Variants in PITPNC1 observed in about 807,000 individuals in gnomAD.
The protein encoded by PITPNC1 is cytoplasmic phosphatidylinositol transfer protein 1.
Under a neutral mutation model 44.7 loss-of-function variants are expected in PITPNC1, and 18 were observed. That is an observed-to-expected ratio of 0.40 (90% confidence interval 0.28 to 0.60). The LOEUF is 0.60. Ranked by LOEUF, PITPNC1 falls within the 20% of genes least tolerant of loss-of-function variation. The pLI is 0.39. For missense variants in PITPNC1, 290 were observed against 418.4 expected (o/e 0.69, Z 2.68); for synonymous variants, 141 against 149.6 (o/e 0.94, Z 0.42).
chr17:67,425,203 G>GCACGCGCA (rs1555649746), intron 1 of PITPNC1, among the ~76,000 whole-genome samples: 1 of 98,780 alleles, frequency 1.0e-5, no homozygotes, highest in Non-Finnish European at 2.0e-5. Context: ...GCACGCACAC[G>GCACGCGCA]CACACACACA....
intron 1 of PITPNC1, among the ~76,000 whole-genome samples, chr17:67,381,973 A>G (rs1437917481): frequency 6.6e-6 from 1 of 152,200 alleles, no homozygotes; most frequent in Non-Finnish European, 1.5e-5. Context: ...GCAGATGAAT[A>G]CATTGAGATT....
At chr17:67,432,490 T>A (rs1031447810) in intron 1 of PITPNC1, among the ~76,000 whole-genome samples, 78 of 151,964 alleles carry the variant, frequency 5.1e-4, no homozygotes, top group Non-Finnish European at 7.6e-4. Flanking sequence ...AGCGAGAGAG[T>A]GAGACTCCGT....
At chr17:67,403,121 G>A (rs2143825421) in intron 1 of PITPNC1, among the ~76,000 whole-genome samples, 1 of 149,524 alleles carries the variant, frequency 6.7e-6, no homozygotes. Flanking sequence ...GCCAGGTGAA[G>A]TGCTTGTGCC....
chr17:67,581,799 T>TG (rs2041237920), intron 5 of PITPNC1, among the ~76,000 whole-genome samples: 1 of 152,166 alleles, frequency 6.6e-6, no homozygotes, highest in Admixed American at 6.5e-5. Context: ...TTTGGGAGGC[T>TG]GAGGTGGGTG....
intron 5 of PITPNC1, chr17:67,611,651 T>C (rs9891206): frequency 0.085 from 12,897 of 152,300 alleles, 634 homozygotes; most frequent in Admixed American, 0.13. Context: ...TAATTTTGTA[T>C]TTTTAGTAGA....
intron 1 of PITPNC1, among the ~76,000 whole-genome samples, chr17:67,405,258 A>T (rs2038377845): frequency 6.6e-6 from 1 of 151,644 alleles, no homozygotes; most frequent in Non-Finnish European, 1.5e-5. Flanking sequence ...AAAAAAAAAA[A>T]TTCAGATTTA....
At chr17:67,472,690 GT>G (rs2039560294) in intron 1 of PITPNC1, among the ~76,000 whole-genome samples, 4 of 151,240 alleles carry the variant, frequency 2.6e-5, no homozygotes, top group African/African-American at 9.7e-5. Flanking sequence ...ATATCATAAT[GT>G]TTTAAGAAAG....
intron 8 of PITPNC1, among the ~76,000 whole-genome samples, chr17:67,691,459 A>T (rs989495348): frequency 1.3e-5 from 2 of 152,194 alleles, no homozygotes; most frequent in African/African-American, 2.4e-5. Flanking sequence ...TTTTAAATAG[A>T]ATCCTCACTA....
chr17:67,556,480 G>A (rs1252663387), intron 4 of PITPNC1, among the ~76,000 whole-genome samples: 1 of 152,168 alleles, frequency 6.6e-6, no homozygotes, highest in Non-Finnish European at 1.5e-5. Context: ...AAATTTATGG[G>A]AGAGAGATGG....
intron 4 of PITPNC1, among the ~76,000 whole-genome samples, chr17:67,561,898 A>G (rs965839134): frequency 1.4e-4 from 22 of 152,116 alleles, no homozygotes; most frequent in Non-Finnish European, 2.5e-4. Flanking sequence ...GCCTGGCCCT[A>G]TCTCTGTTAT....
At chr17:67,402,991 C>T (rs1428950756) in intron 1 of PITPNC1, among the ~76,000 whole-genome samples, 1 of 152,078 alleles carries the variant, frequency 6.6e-6, no homozygotes, top group Non-Finnish European at 1.5e-5. Flanking sequence ...ATTCTTGCTT[C>T]TGTTATATCT....
chr17:67,474,053 T>A (rs1360289914), intron 1 of PITPNC1, among the ~76,000 whole-genome samples: 1 of 152,210 alleles, frequency 6.6e-6, no homozygotes, highest in Non-Finnish European at 1.5e-5. Flanking sequence ...AATGGACTAC[T>A]TTAAGTTAAC....
At chr17:67,530,878 C>T (rs2916131) in intron 1 of PITPNC1, among the ~76,000 whole-genome samples, 29,467 of 151,916 alleles carry the variant, frequency 0.19, 3,225 homozygotes, top group Middle Eastern at 0.33. Flanking sequence ...TTAGCCTTTA[C>T]GAGCAAAAGT....
At chr17:67,654,682 GAGTGC>G (rs201404742) in intron 6 of PITPNC1, among the ~76,000 whole-genome samples, 1,639 of 152,270 alleles carry the variant, frequency 0.011, 23 homozygotes, top group African/African-American at 0.037. Context: ...GCCCAGGCTG[GAGTGC>G]AGTGGTGCAA....
chr17:67,472,286 G>C (rs1464634650), intron 1 of PITPNC1, among the ~76,000 whole-genome samples: 1 of 130,090 alleles, frequency 7.7e-6, no homozygotes, highest in Non-Finnish European at 1.6e-5. Context: ...GAATTGTCTT[G>C]GGCAACACAT....
intron 1 of PITPNC1, among the ~76,000 whole-genome samples, chr17:67,428,057 A>G (rs917750826): frequency 3.3e-5 from 5 of 152,148 alleles, no homozygotes; most frequent in Non-Finnish European, 4.4e-5. Flanking sequence ...TTCACAGGCA[A>G]CATCATTGCA....
intron 1 of PITPNC1, among the ~76,000 whole-genome samples, chr17:67,416,059 GA>G (rs1200771627): frequency 6.6e-6 from 1 of 152,080 alleles, no homozygotes; most frequent in Non-Finnish European, 1.5e-5. Flanking sequence ...GATTAATGTG[GA>G]AAATAGCACG....
chr17:67,603,292 C>T (rs925358010), intron 5 of PITPNC1, among the ~76,000 whole-genome samples: 2 of 125,730 alleles, frequency 1.6e-5, no homozygotes, highest in Admixed American at 8.8e-5. Context: ...TAGCAGGCCC[C>T]GGCTAGGAAG....
chr17:67,599,034 A>ATATAT (rs1461493250), intron 5 of PITPNC1, among the ~76,000 whole-genome samples: 14 of 35,676 alleles, frequency 3.9e-4, no homozygotes, highest in Admixed American at 1.9e-3. Context: ...ATATATATAT[A>ATATAT]TTTTTTTTTT....
Sources: gnomAD v4.1 joint callset for allele counts (sites outside exome capture counted in the v4.1 genomes callset) on GRCh38, gnomAD v4.1.1 for gene constraint, MANE v1.5 for transcripts, NCBI Gene and HGNC (gene_info 2026-07-23, HGNC 2026-07-21) for gene names.